AP3B1: variants seen among roughly 807,000 people sequenced by gnomAD.
AP3B1 encodes AP-3 complex subunit beta-1.
Under a neutral mutation model 132.5 loss-of-function variants are expected in AP3B1, and 61 were observed. The ratio of observed to expected loss-of-function variants is 0.46; its 90% confidence interval spans 0.37 to 0.57. AP3B1 has a LOEUF of 0.57. AP3B1 is among the 20% of genes least tolerant of loss of function. The pLI is 0.00. For missense variants in AP3B1, 1,120 were observed against 1,289.4 expected (o/e 0.87, Z 2.01); for synonymous variants, 388 against 438.3 (o/e 0.89, Z 1.43).
intron 1 of AP3B1, among the ~76,000 whole-genome samples, chr5:78,293,295 G>A (rs1749614692): frequency 6.6e-6 from 1 of 152,150 alleles, no homozygotes; most frequent in African/African-American, 2.4e-5. Flanking sequence ...TAAACATTTT[G>A]CTAATAGTAG....
intron 14 of AP3B1, among the ~76,000 whole-genome samples, chr5:78,154,862 T>C (rs1219883648): frequency 1.3e-5 from 2 of 152,212 alleles, no homozygotes; most frequent in African/African-American, 4.8e-5. Context: ...CTCTGTGTTA[T>C]CTTGAATTTC....
rs1401807239 is a variant in AP3B1, at chr5:78,119,185, T to C, written c.1969-2951A>G. ...AAAGGACATCCACACCAAAAACCCA[T>C]CTGTACATCACCATCATCAAAGATC... On this transcript the variant is annotated intron_variant, in intron 17 of 26. Transcript: ENST00000255194. 3.3e-5 allele frequency among the ~76,000 whole-genome samples: 5 copies of C among 152,126 alleles called. No homozygotes were observed. The East Asian group carries it at 7.7e-4, about 24-fold the overall frequency.
At chr5:78,239,945 A>G (rs1349929904) in intron 3 of AP3B1, among the ~76,000 whole-genome samples, 1 of 152,214 alleles carries the variant, frequency 6.6e-6, no homozygotes, top group African/African-American at 2.4e-5. Context: ...TTGAACATTT[A>G]AAATCATCAC....
Position 78,141,295 on chromosome 5 carries a change from G to C in AP3B1, c.1498C>G (p.Leu500Val). 1 of 1,613,546 alleles carries C rather than the reference G, an allele frequency of 6.2e-7. No homozygotes were observed. Among genetic ancestry groups the C allele is most frequent in the Non-Finnish European group, 8.5e-7 (1 of 1,179,686 alleles). The change falls in exon 15 of 27, where the codon CTT (leucine) becomes GTT (valine). Residue 500 changes from leucine to valine, a missense_variant. By Grantham distance (32) the Leu-to-Val change is conservative (BLOSUM62 1). Coordinates refer to ENST00000255194, the MANE Select transcript of AP3B1 (RefSeq NM_003664.5). ...TCACAGTTTTCTCCAATTAGCCAAAGAATACTTGCTCTAGCAACAGGAACC... is the reference window on the plus strand; with the variant it reads ...TCACAGTTTTCTCCAATTAGCCAAACAATACTTGCTCTAGCAACAGGAACC... ...ITVPVARASI[L>V]WLIGENCERV...
intron 7 of AP3B1, among the ~76,000 whole-genome samples, chr5:78,201,900 G>A (rs1356257770): frequency 1.3e-5 from 2 of 152,150 alleles, no homozygotes; most frequent in African/African-American, 4.8e-5. Context: ...TCTACACAGG[G>A]GAGGAGGAGC....
chr5:78,221,675 A>T (rs1746182339), intron 6 of AP3B1, among the ~76,000 whole-genome samples: 1 of 151,936 alleles, frequency 6.6e-6, no homozygotes, highest in Non-Finnish European at 1.5e-5. Context: ...AGACACAATG[A>T]TTGGAATGTA....
At chr5:78,168,636 C>T (rs967007341) in intron 11 of AP3B1, among the ~76,000 whole-genome samples, 1 of 152,184 alleles carries the variant, frequency 6.6e-6, no homozygotes, top group African/African-American at 2.4e-5. Context: ...CAATCTGATG[C>T]TACATTATCC....
chr5:78,284,390 G>T (rs548427348), intron 1 of AP3B1, among the ~76,000 whole-genome samples: 80 of 152,170 alleles, frequency 5.3e-4, no homozygotes, highest in Non-Finnish European at 1.5e-4. Context: ...AATTAATAAG[G>T]TCCATTCTAC....
chr5:78,231,490 T>G (rs1260112886), intron 3 of AP3B1, among the ~76,000 whole-genome samples: 2 of 152,014 alleles, frequency 1.3e-5, no homozygotes, highest in African/African-American at 2.4e-5. Flanking sequence ...TTTTTAAAGG[T>G]GTAAAAGAGT....
At chr5:78,167,512 CATT>C (rs1743686359) in intron 11 of AP3B1, among the ~76,000 whole-genome samples, 1 of 152,068 alleles carries the variant, frequency 6.6e-6, no homozygotes, top group Non-Finnish European at 1.5e-5. Context: ...GAAAAGAAGA[CATT>C]ATACAAAAAA....
intron 1 of AP3B1, among the ~76,000 whole-genome samples, chr5:78,290,382 C>G (rs13183807): frequency 0.23 from 35,141 of 152,076 alleles, 4,651 homozygotes; most frequent in Middle Eastern, 0.31. Context: ...CCACCATTCC[C>G]AGCCTCAGTC....
chr5:78,031,190 T>C (rs1170628659), intron 24 of AP3B1, among the ~76,000 whole-genome samples: 3 of 152,188 alleles, frequency 2.0e-5, no homozygotes, highest in African/African-American at 7.2e-5. Flanking sequence ...ATTATTCACC[T>C]ACTGAGTTAG....
chr5:78,103,686 C>CA (rs1345789004), intron 20 of AP3B1, among the ~76,000 whole-genome samples: 2 of 152,056 alleles, frequency 1.3e-5, no homozygotes, highest in Admixed American at 6.6e-5. Context: ...AATCTCACCA[C>CA]AAAAAATACC....
rs146273785 is a variant in AP3B1 at position 78,231,425 on chromosome 5, C to T, written c.280-3186G>A. Among the ~76,000 whole-genome samples, 14 of 152,128 alleles carry T rather than the reference C, an allele frequency of 9.2e-5. 1 individual carries two copies. The highest frequency in any genetic ancestry group is 3.9e-4 in the Admixed American group (6 of 15,276). On this transcript the variant is annotated intron_variant, in intron 3 of 26. Transcript: ENST00000255194. ...CTGACCTCAGGTGATCTGCCCGCCT[C>T]GGCCTCCCAAAGTGCTGGGATTATA...
intron 20 of AP3B1, among the ~76,000 whole-genome samples, chr5:78,103,226 G>A (rs432093): frequency 0.24 from 36,429 of 152,024 alleles, 4,593 homozygotes; most frequent in Admixed American, 0.31. Flanking sequence ...AATTCTAAAC[G>A]AAGAAGTTAA....
intron 11 of AP3B1, among the ~76,000 whole-genome samples, chr5:78,167,312 T>C (rs1315060856): frequency 1.3e-5 from 2 of 150,312 alleles, no homozygotes; most frequent in African/African-American, 2.4e-5. Context: ...CCACCAAGAA[T>C]GGTCATAATC....
At chr5:78,124,245 G>A (rs916498681) in intron 17 of AP3B1, among the ~76,000 whole-genome samples, 1 of 152,150 alleles carries the variant, frequency 6.6e-6, no homozygotes, top group Non-Finnish European at 1.5e-5. Flanking sequence ...TATACCTAAT[G>A]CTAAATGACG....
chr5:78,261,825 C>T (rs2112554023), intron 2 of AP3B1, among the ~76,000 whole-genome samples: 1 of 151,340 alleles, frequency 6.6e-6, no homozygotes, highest in Admixed American at 6.6e-5. Context: ...GATCTTGGCT[C>T]GCTGCAACCT....
At chr5:78,064,759 G>A (rs1199403640) in intron 22 of AP3B1, among the ~76,000 whole-genome samples, 1 of 152,172 alleles carries the variant, frequency 6.6e-6, no homozygotes, top group African/African-American at 2.4e-5. Context: ...ATAATTTAAA[G>A]CAATAACTTA....
Sources: allele counts gnomAD v4.1 joint callset (sites outside exome capture counted in the v4.1 genomes callset), GRCh38; gene constraint gnomAD v4.1.1; transcripts MANE v1.5; gene names NCBI Gene and HGNC (gene_info 2026-07-23, HGNC 2026-07-21).